The following ACTG1 variants were observed in gnomAD, a reference collection of about 807,000 sequenced individuals.
ACTG1 encodes actin gamma 1, also known as actin, cytoplasmic 2.
ACTG1 carries 14 observed loss-of-function variants against 34.3 expected under a neutral mutation model. That is an observed-to-expected ratio of 0.41 (90% CI 0.27 to 0.64). The LOEUF (loss-of-function observed/expected upper bound fraction) is 0.64. ACTG1 is among the 30% of genes least tolerant of loss of function. ACTG1 has a pLI of 0.33. For missense variants in ACTG1, 233 were observed against 529.5 expected (o/e 0.44, Z 5.50); for synonymous variants, 422 against 213.9 (o/e 1.97, Z -8.49).
In ACTG1 at chr17:81,511,633, A is replaced by G; in HGVS notation, c.364-7T>C. On this transcript the variant is annotated splice_region_variant and splice_polypyrimidine_tract_variant and intron_variant, in intron 3 of 5. Transcript: ENST00000573283. Reference sequence around the variant, plus strand: ...TGAAGGTCTCAAACATAATCTGAGAAGGGACAAGGGGCGGCTTAGTCAGGG... The same window carrying G: ...TGAAGGTCTCAAACATAATCTGAGAGGGGACAAGGGGCGGCTTAGTCAGGG... 2 of 1,612,380 alleles carry G rather than the reference A, an allele frequency of 1.2e-6. No individual in the cohort carries two copies. The highest frequency in any genetic ancestry group is 1.7e-6 in the Non-Finnish European group (2 of 1,179,410).
In ACTG1 at chr17:81,512,327, T is replaced by G. The variant is rs1249369032; in HGVS notation, c.28A>C (p.Ile10Leu). MEEEIAALV[I>L]DNGSGMCKAG... ...TTGCACATGCCGGAGCCATTGTCAA[T>G]GACCAGCGCGGCGATCTCTTCTTCC... is the stretch of plus-strand genomic sequence containing the variant. Residue 10 changes from isoleucine to leucine, a missense_variant, in exon 2 of 6, where the codon ATT (isoleucine) becomes CTT (leucine). Transcript: ENST00000573283. 1 of 1,613,914 alleles carries G rather than the reference T, an allele frequency of 6.2e-7. No individual in the cohort carries two copies. Among genetic ancestry groups the G allele is most frequent in the Non-Finnish European group, 8.5e-7 (1 of 1,179,908 alleles).
In ACTG1 at chr17:81,512,161, C is replaced by CA; in HGVS notation, c.124-20dup. On this transcript the variant is annotated intron_variant, in intron 2 of 5. Transcript: ENST00000573283. ...TGACGCCCTGCAGGGGACGACCCGT[C>CA]AGCCTCGCCGGCGACACCGAACCCA... 6.2e-7 allele frequency: 1 copy of CA among 1,613,356 alleles called. No homozygotes were observed. The highest frequency in any genetic ancestry group is 8.5e-7 in the Non-Finnish European group (1 of 1,180,002).
At position 81,512,037 on chromosome 17, in the gene ACTG1, T is replaced by A. The variant is rs538822936; in HGVS notation, c.229A>T (p.Thr77Ser). The A allele has an allele frequency of 6.2e-7, 1 of 1,614,042 alleles. No homozygotes were observed. Among genetic ancestry groups the A allele is most frequent in the Admixed American group, 1.7e-5 (1 of 60,026 alleles). ...LKYPIEHGIV[T>S]NWDDMEKIWH... Reference sequence around the variant, plus strand: ...ATCTTCTCCATGTCGTCCCAGTTGGTGACGATGCCATGCTCAATGGGGTAC... The same window carrying A: ...ATCTTCTCCATGTCGTCCCAGTTGGAGACGATGCCATGCTCAATGGGGTAC... The change falls in exon 3 of 6, where the codon ACC becomes TCC. Residue 77 changes from threonine to serine, a missense_variant. Thr to Ser is a moderately conservative substitution (Grantham distance 58). Transcript: ENST00000573283.
Position 81,512,548 on chromosome 17 carries a change from C to T in ACTG1, c.-7+186G>A, listed in dbSNP as rs1414684729. The T allele has an allele frequency of 2.2e-5, 21 of 952,638 alleles. No homozygotes were observed. The Middle Eastern group carries it at 9.0e-4, about 41-fold the overall frequency. 59.0% of individuals were successfully genotyped at this position (952,638 alleles called of 1,614,324 possible). On this transcript the variant is annotated intron_variant, in intron 1 of 5. Transcript: ENST00000573283. ...GTAACGTCCACGGCTCGGAAGTCTGCACTGCGGCCGGGCCCCGCCCTGGAC... is the reference window on the plus strand; with the variant it reads ...GTAACGTCCACGGCTCGGAAGTCTGTACTGCGGCCGGGCCCCGCCCTGGAC...
In ACTG1 at chr17:81,510,010, C is replaced by T. The variant is rs1435175288; in HGVS notation, c.*680G>A. Reference sequence around the variant, plus strand: ...ACTTTTATTTTTCCTTACACAATGACGTGTTGCTGGGGCCTAATGTTCTCA... The same window carrying T: ...ACTTTTATTTTTCCTTACACAATGATGTGTTGCTGGGGCCTAATGTTCTCA... On this transcript the variant is annotated 3_prime_UTR_variant, in exon 6 of 6. Transcript: ENST00000573283. 2.1e-5 allele frequency: 9 copies of T among 421,456 alleles called. No homozygotes were observed. The highest frequency in any genetic ancestry group is 5.5e-5 in the Admixed American group (2 of 36,130). The allele number at this position is 421,456 out of a possible 1,614,324, so 26.1% of individuals were successfully genotyped here. A position where few individuals can be genotyped will look rare whatever the true frequency, so the allele number is the denominator to read the frequency against.
Position 81,510,340 on chromosome 17 carries a change from C to T in ACTG1, c.*350G>A. 2.3e-6 allele frequency: 1 copy of T among 443,958 alleles called. No individual in the cohort carries two copies. The highest frequency in any genetic ancestry group is 4.3e-6 in the Non-Finnish European group (1 of 233,780). The allele number at this position is 443,958 out of a possible 1,614,324, so 27.5% of individuals were successfully genotyped here. On this transcript the variant is annotated 3_prime_UTR_variant, in exon 6 of 6. Coordinates refer to ENST00000573283, the MANE Select transcript of ACTG1 (RefSeq NM_001614.5). ...TGACACGTTAATACCCTGCACAGAT[C>T]AGAGGCTGCTGGCCACACAGACTCA...
Position 81,510,343 on chromosome 17 carries a change from A to C in ACTG1, c.*347T>G. The C allele has an allele frequency of 4.5e-6, 2 of 445,260 alleles. No homozygotes were observed. Among genetic ancestry groups the C allele is most frequent in the South Asian group, 3.6e-5 (2 of 55,944 alleles). The allele number at this position is 445,260 out of a possible 1,614,324, so 27.6% of individuals were successfully genotyped here. A position where few individuals can be genotyped will look rare whatever the true frequency, so the allele number is the denominator to read the frequency against. The stretch of plus-strand genomic sequence containing the variant: ...CACGTTAATACCCTGCACAGATCAG[A>C]GGCTGCTGGCCACACAGACTCACCA... On this transcript the variant is annotated 3_prime_UTR_variant, in exon 6 of 6. Transcript: ENST00000573283.
At chr17:81,511,764 T>C (rs781979825) in intron 3 of ACTG1, 138 bp from the exon 4 acceptor site, 20 of 1,538,458 alleles carry the variant, frequency 1.3e-5, no homozygotes, top group Non-Finnish European at 2.6e-6. Flanking sequence ...ATGAGAAACC[T>C]GGAGGCTTCA....
chr17:81,510,891 C>A (rs374773121), intron 5 of ACTG1, 36 bp downstream of exon 5: 1 of 1,613,638 alleles, frequency 6.2e-7, no homozygotes, highest in East Asian at 2.2e-5. Flanking sequence ...TCAGCTCTCC[C>A]GAGCCAGGCA....
chr17:81,512,392 C>T, intron 1 of ACTG1, 32 bp from the exon 2 acceptor site: 3 of 1,613,614 alleles, frequency 1.9e-6, no homozygotes, highest in Non-Finnish European at 2.5e-6. Context: ...CAGGCGGGCG[C>T]GTCTGTAACA....
Position 81,510,619 on chromosome 17 carries a change from G to T in ACTG1, c.*71C>A. ...TTCGTGAGGCTAGCATGAGGTGTGT[G>T]CATTTGCCAGGGGCAAATTTCTATT... On this transcript the variant is annotated 3_prime_UTR_variant, in exon 6 of 6. Transcript: ENST00000573283. 6.3e-7 allele frequency: 1 copy of T among 1,580,636 alleles called. No individual in the cohort carries two copies. Among genetic ancestry groups the T allele is most frequent in the Non-Finnish European group, 8.7e-7 (1 of 1,151,344 alleles).
chr17:81,511,821 A>T (rs781861106), intron 3 of ACTG1, 82 bp downstream of exon 3: 1 of 1,603,512 alleles, frequency 6.2e-7, no homozygotes, highest in East Asian at 2.2e-5. Context: ...AGCGAAAGAA[A>T]CACTTAAATG....
At position 81,511,287 on chromosome 17, in the gene ACTG1, A is replaced by T; in HGVS notation, c.703T>A (p.Ser235Thr). ...GGCAGCTCGTAGCTCTTCTCCAGAG[A>T]AGAGGAGGATGCGGCGGTGGCCATC... Reference protein sequence around the residue: ...QEMATAASSSSLEKSYELPDG... With the variant: ...QEMATAASSSTLEKSYELPDG... Residue 235 changes from serine (S) to threonine (T), a missense_variant, in exon 4 of 6, where the codon TCT becomes ACT. Physicochemically the swap from Ser to Thr is moderately conservative, Grantham distance 58. Transcript: ENST00000573283. 1 of 1,613,814 alleles carries T rather than the reference A, an allele frequency of 6.2e-7. No homozygotes were observed. Among genetic ancestry groups the T allele is most frequent in the Non-Finnish European group, 8.5e-7 (1 of 1,180,030 alleles).
Position 81,510,006 on chromosome 17 carries a change from A to G in ACTG1, c.*684T>C, listed in dbSNP as rs1358242256. The G allele has an allele frequency of 2.4e-6, 1 of 420,196 alleles. No homozygotes were observed. The highest frequency in any genetic ancestry group is 4.7e-6 in the Non-Finnish European group (1 of 210,888). 26.0% of individuals were successfully genotyped at this position (420,196 alleles called of 1,614,324 possible). A position where few individuals can be genotyped will look rare whatever the true frequency, so the allele number is the denominator to read the frequency against. On this transcript the variant is annotated 3_prime_UTR_variant, in exon 6 of 6. Transcript: ENST00000573283. ...CAGCACTTTTATTTTTCCTTACACA[A>G]TGACGTGTTGCTGGGGCCTAATGTT...
intron 3 of ACTG1, 104 bp downstream of exon 3, chr17:81,511,799 A>AGAGC: frequency 6.3e-7 from 1 of 1,588,226 alleles, no homozygotes; most frequent in South Asian, 1.1e-5. Flanking sequence ...GGAGAGGAAC[A>AGAGC]GAGCCTGGAA....
rs1598548614 is a variant in ACTG1 at position 81,511,374 on chromosome 17, G to T, written c.616C>A (p.Arg206=). Residue 206 remains arginine (R), a synonymous_variant, in exon 4 of 6, where the codon CGG becomes AGG. Coordinates refer to ENST00000573283, the MANE Select transcript of ACTG1 (RefSeq NM_001614.5). ...RGYSFTTTAE[R]EIVRDIKEKL... is the part of the protein sequence containing the mutation. ...TCCTTGATGTCGCGCACGATTTCCC[G>T]CTCGGCCGTGGTGGTGAAGCTGTAG... The T allele has an allele frequency of 2.5e-6, 4 of 1,613,954 alleles. No homozygotes were observed. Among genetic ancestry groups the T allele is most frequent in the Non-Finnish European group, 3.4e-6 (4 of 1,180,038 alleles).
chr17:81,511,241 A>G lies in ACTG1; in HGVS notation c.749T>C (p.Ile250Thr). Residue 250 changes from isoleucine to threonine, a missense_variant, in exon 4 of 6, where the codon ATT becomes ACT. Ile to Thr is a moderately conservative substitution (Grantham distance 89, BLOSUM62 -1). Coordinates refer to ENST00000573283, the MANE Select transcript of ACTG1 (RefSeq NM_001614.5). ...YELPDGQVITIGNERFRCPEA... is the reference protein window; with the variant it reads ...YELPDGQVITTGNERFRCPEA... ...CGGACACCGGAACCGCTCATTGCCA[A>G]TGGTGATGACCTGGCCATCGGGCAG... The G allele has an allele frequency of 6.2e-7, 1 of 1,613,746 alleles. No homozygotes were observed. The highest frequency in any genetic ancestry group is 8.5e-7 in the Non-Finnish European group (1 of 1,180,034).
Position 81,510,541 on chromosome 17 carries a change from T to C in ACTG1, c.*149A>G, listed in dbSNP as rs1380064982. 1.0e-6 allele frequency: 1 copy of C among 990,914 alleles called. No homozygotes were observed. 61.4% of individuals were successfully genotyped at this position (990,914 alleles called of 1,614,324 possible). On this transcript the variant is annotated 3_prime_UTR_variant, in exon 6 of 6. Coordinates refer to ENST00000573283, the MANE Select transcript of ACTG1 (RefSeq NM_001614.5). ...AGCAACAAGTTCTACAATCCAGTGC[T>C]GATATCAGATACAAGCTTCAAGGAC... is the stretch of plus-strand genomic sequence containing the variant.
At chr17:81,512,648 G>A in intron 1 of ACTG1, 86 bp downstream of exon 1, 1 of 456,730 alleles carries the variant, frequency 2.2e-6, no homozygotes, top group Non-Finnish European at 4.0e-6. Flanking sequence ...GCGCGACGAG[G>A]CCTCGGCAGC....
Sources: gnomAD v4.1 joint callset for allele counts on GRCh38, gnomAD v4.1.1 for gene constraint, MANE v1.5 for transcripts, NCBI Gene and HGNC (gene_info 2026-07-23, HGNC 2026-07-21) for gene names.